The following EIF4A2 variants were observed in gnomAD, a reference collection of about 807,000 sequenced individuals.
EIF4A2 encodes the protein eukaryotic translation initiation factor 4A2.
A neutral mutation model predicts 50.6 loss-of-function variants in EIF4A2; 9 were observed. The observed-to-expected ratio is 0.18, with a 90% confidence interval of 0.11 to 0.31. EIF4A2 has a LOEUF of 0.31. EIF4A2 is among the 10% of genes least tolerant of loss of function. The pLI, the probability that EIF4A2 is intolerant of heterozygous loss-of-function variation, is 1.00. For missense variants in EIF4A2, 182 were observed against 501.8 expected (o/e 0.36, Z 6.09); for synonymous variants, 215 against 164.4 (o/e 1.31, Z -2.35).
chr3:186,786,107 G>A (rs1721687588), intron 5 of EIF4A2, 56 bp downstream of exon 5: 1 of 1,601,266 alleles, frequency 6.2e-7, no homozygotes, highest in Non-Finnish European at 8.5e-7. Flanking sequence ...TAGTTGAAAA[G>A]TCAAATTGTA....
chr3:186,785,182 A>C, intron 4 of EIF4A2, 81 bp downstream of exon 4: 2 of 1,570,712 alleles, frequency 1.3e-6, no homozygotes, highest in Non-Finnish European at 1.7e-6. Context: ...TTTAAAACTT[A>C]GTATAAATTG....
chr3:186,783,607 G>T lies in EIF4A2; in HGVS notation c.-4G>T, dbSNP rs757785640. The T allele has an allele frequency of 8.1e-6, 13 of 1,614,038 alleles. No individual in the cohort carries two copies. The highest frequency in any genetic ancestry group is 3.3e-5 in the South Asian group (3 of 91,086). On this transcript the variant is annotated 5_prime_UTR_variant, in exon 1 of 11. Coordinates refer to ENST00000323963, the MANE Select transcript of EIF4A2 (RefSeq NM_001967.4). ...CAGTCGGGCGCTGAGTGGTTTTTCG[G>T]ATCATGTCTGGTGGCTCCGCGGATT...
At chr3:186,788,403 TGAATAAA>T (rs1721898678) in intron 10 of EIF4A2, 2 of 1,279,834 alleles carry the variant, frequency 1.6e-6, no homozygotes, top group South Asian at 2.5e-5. Flanking sequence ...GCACACTGTT[TGAATAAA>T]GAGCGAGTCG....
intron 3 of EIF4A2, 64 bp from the exon 4 acceptor site, chr3:186,784,898 A>T: frequency 6.2e-7 from 1 of 1,613,150 alleles, no homozygotes; most frequent in South Asian, 1.1e-5. Context: ...AATGGAATAC[A>T]TGGTGTGAAG....
rs745758465 is a variant in EIF4A2, at chr3:186,784,465, T to C, written c.63T>C (p.Asp21=). The change falls in exon 2 of 11, where the codon GAT becomes GAC. Residue 21 remains aspartate (D), a synonymous_variant. Coordinates refer to ENST00000323963, the MANE Select transcript of EIF4A2 (RefSeq NM_001967.4). The part of the protein sequence containing the change: ...EHGGPEGMDP[D]GVIESNWNEI... ...GCGGCCCAGAGGGAATGGACCCCGATGGTGTCATCGAGGTAAGAAACGGTT... is the reference window on the plus strand; with the variant it reads ...GCGGCCCAGAGGGAATGGACCCCGACGGTGTCATCGAGGTAAGAAACGGTT... 1.5e-5 allele frequency: 25 copies of C among 1,614,150 alleles called. No individual in the cohort carries two copies. The highest frequency in any genetic ancestry group is 1.9e-5 in the Non-Finnish European group (22 of 1,180,058).
chr3:186,789,227 T>TTTGTCTCC lies in EIF4A2; in HGVS notation c.1182_1183insTTGTCTCC (p.Thr395LeufsTer10). 6.2e-7 allele frequency: 1 copy of TTTGTCTCC among 1,612,494 alleles called. No homozygotes were observed. The highest frequency in any genetic ancestry group is 8.5e-7 in the Non-Finnish European group (1 of 1,179,602). On this transcript the variant is annotated frameshift_variant, in exon 11 of 11. Transcript: ENST00000323963. LOFTEE classifies it high-confidence loss of function. ...GTGACATTGAGACTTTCTACAATAC[T>TTTGTCTCC]ACAGTGGAGGAGATGCCCATGAATG...
rs760002459 is a variant in EIF4A2, at chr3:186,787,272, G to T, written c.909+8G>T. 1.9e-6 allele frequency: 3 copies of T among 1,613,932 alleles called. No individual in the cohort carries two copies. In the Admixed American group the frequency reaches 5.0e-5, roughly 27 times the overall value. ...TTCACAGTTTCTGCTCTGGTAAGAG[G>T]TGTTCTAAAATGTCTGGATTTCCAC... On this transcript the variant is annotated splice_region_variant and intron_variant, in intron 8 of 10. Coordinates refer to ENST00000323963, the MANE Select transcript of EIF4A2 (RefSeq NM_001967.4).
At chr3:186,783,726 T>C in intron 1 of EIF4A2, 87 bp downstream of exon 1, 2 of 1,597,950 alleles carry the variant, frequency 1.3e-6, no homozygotes, top group Non-Finnish European at 1.7e-6. Flanking sequence ...AGGCAAAAAC[T>C]CTAAATTAAT....
rs1247625398 is a variant in EIF4A2 at position 186,789,112 on chromosome 3, TTTTC to T, written c.1080-10_1080-7del. 8.1e-6 allele frequency: 13 copies of T among 1,611,278 alleles called. No individual in the cohort carries two copies. The highest frequency in any genetic ancestry group is 1.1e-5 in the Non-Finnish European group (13 of 1,178,754). On this transcript the variant is annotated splice_polypyrimidine_tract_variant and intron_variant, in intron 10 of 10. Transcript: ENST00000323963. ...ATGTGAGAAGTAACGTTCTGATTCT[TTTTC>T]TTACACAGAATTGGCAGAGGGGGTC... is the stretch of plus-strand genomic sequence containing the variant.
intron 4 of EIF4A2, chr3:186,785,305 G>C (rs1159061466): frequency 1.5e-6 from 1 of 680,082 alleles, no homozygotes; most frequent in Non-Finnish European, 2.4e-6. Context: ...CTAATAGATT[G>C]AGAATCCGAA....
chr3:186,789,795 C>G lies in EIF4A2; in HGVS notation c.*526C>G, dbSNP rs1722007687. 1 of 577,974 alleles carries G rather than the reference C, an allele frequency of 1.7e-6. No homozygotes were observed. The highest frequency in any genetic ancestry group is 3.0e-6 in the Non-Finnish European group (1 of 328,320). 35.8% of individuals were successfully genotyped at this position (577,974 alleles called of 1,614,324 possible). A position where few individuals can be genotyped will look rare whatever the true frequency, so the allele number is the denominator to read the frequency against. ...GTGAACTGGACCCTGTTGCTAAGCC[C>G]CAGCAAGCAATCCTAGGTAGGGTTT... is the stretch of plus-strand genomic sequence containing the variant. On this transcript the variant is annotated 3_prime_UTR_variant, in exon 11 of 11. Transcript: ENST00000323963.
chr3:186,788,478 A>G (rs1579168416), intron 10 of EIF4A2: 2 of 1,207,446 alleles, frequency 1.7e-6, no homozygotes, highest in Non-Finnish European at 2.1e-6. Context: ...TGCTCCAGCT[A>G]AGGCATTTTT....
chr3:186,785,264 G>T (rs1486963587), intron 4 of EIF4A2, 163 bp downstream of exon 4: 3 of 950,004 alleles, frequency 3.2e-6, no homozygotes, highest in African/African-American at 1.7e-5. Context: ...AAAAGAACTG[G>T]GTATGCAGGT....
At position 186,785,880 on chromosome 3, in the gene EIF4A2, T is replaced by C; in HGVS notation, c.349-3T>C. The stretch of plus-strand genomic sequence containing the variant: ...GGAATAATAATTAAGGCTTGGGTTT[T>C]AGATCCAAAAGGTAATTCTGGCACT... On this transcript the variant is annotated splice_polypyrimidine_tract_variant and splice_region_variant and intron_variant, in intron 4 of 10. Coordinates refer to ENST00000323963, the MANE Select transcript of EIF4A2 (RefSeq NM_001967.4). 11 of 1,586,716 alleles carry C rather than the reference T, an allele frequency of 6.9e-6. No individual in the cohort carries two copies. The highest frequency in any genetic ancestry group is 9.5e-6 in the Non-Finnish European group (11 of 1,158,940).
rs759203511 is a variant in EIF4A2 at position 186,787,582 on chromosome 3, T to C, written c.997T>C (p.Leu333=). 1.2e-6 allele frequency: 2 copies of C among 1,613,898 alleles called. No homozygotes were observed. The highest frequency in any genetic ancestry group is 1.7e-6 in the Non-Finnish European group (2 of 1,179,932). Reference sequence around the variant, plus strand: ...TCGTGTTCTGATCACTACTGACTTGTTGGTAAGTCTCTTAATGCTTTTTAA... The same window carrying C: ...TCGTGTTCTGATCACTACTGACTTGCTGGTAAGTCTCTTAATGCTTTTTAA... ...SSRVLITTDL[L]ARGIDVQQVS... is the part of the protein sequence containing the mutation. Residue 333 remains leucine (L), a splice_region_variant and synonymous_variant, in exon 9 of 11, where the codon TTG becomes CTG. Coordinates refer to ENST00000323963, the MANE Select transcript of EIF4A2 (RefSeq NM_001967.4).
intron 7 of EIF4A2, chr3:186,786,894 CGTTTTGAGACTGG>C (rs774465170): frequency 8.0e-6 from 7 of 877,992 alleles, no homozygotes; most frequent in Admixed American, 1.9e-5. Context: ...ATAATTTCTA[CGTTTTGAGACTGG>C]GTTATGAGAC....
At chr3:186,785,297 AAT>A in intron 4 of EIF4A2, 196 bp downstream of exon 4, 1 of 718,096 alleles carries the variant, frequency 1.4e-6, no homozygotes, top group South Asian at 2.1e-5. Context: ...GTTGTATACT[AAT>A]AGATTGAGAA....
chr3:186,784,200 C>A (rs561133095), intron 1 of EIF4A2: 6 of 597,920 alleles, frequency 1.0e-5, no homozygotes, highest in Non-Finnish European at 1.7e-5. Flanking sequence ...CGAGACGCTC[C>A]GCAGTTGAAA....
chr3:186,784,375 A>G (rs1348173068), intron 1 of EIF4A2, 57 bp from the exon 2 acceptor site: 1 of 1,613,354 alleles, frequency 6.2e-7, no homozygotes, highest in African/African-American at 1.3e-5. Context: ...CTATGCGCTT[A>G]AGGTGCAGTT....
Sources: gnomAD v4.1 joint callset for allele counts on GRCh38, gnomAD v4.1.1 for gene constraint, MANE v1.5 for transcripts, NCBI Gene and HGNC (gene_info 2026-07-23, HGNC 2026-07-21) for gene names.